The following TNNI3K variants were observed in gnomAD, a reference collection of about 807,000 sequenced individuals.
TNNI3K encodes the protein TNNI3 interacting kinase, also known as serine/threonine-protein kinase TNNI3K.
TNNI3K carries 140 observed loss-of-function variants against 114.5 expected under a neutral mutation model. The ratio of observed to expected loss-of-function variants is 1.22; its 90% CI spans 1.07 to 1.41. TNNI3K has a LOEUF of 1.41. TNNI3K is among the 40% of genes most tolerant of loss of function. The pLI, the probability that TNNI3K is intolerant of heterozygous loss-of-function variation, is 0.00. For missense variants in TNNI3K, 1,125 were observed against 1,007.6 expected (o/e 1.12, Z -1.58); for synonymous variants, 347 against 347.5 (o/e 1.00, Z 0.02).
At chr1:74,256,327 T>G (rs560980946) in intron 4 of TNNI3K, among the ~76,000 whole-genome samples, 11 of 128,292 alleles carry the variant, frequency 8.6e-5, no homozygotes, top group African/African-American at 3.2e-4. Context: ...GGCTATTCTA[T>G]TGGATGAATT....
chr1:74,356,191 TGCAG>T (rs1376718600), intron 11 of TNNI3K, among the ~76,000 whole-genome samples: 1 of 152,206 alleles, frequency 6.6e-6, no homozygotes, highest in Non-Finnish European at 1.5e-5. Context: ...TTCACATTGT[TGCAG>T]GCAGTTGTAG....
intron 11 of TNNI3K, chr1:74,366,520 A>G (rs1408301319): frequency 6.6e-6 from 1 of 151,968 alleles, no homozygotes; most frequent in Admixed American, 6.6e-5. Context: ...CTTTCTTCCA[A>G]CCCTCAGAGC....
Position 74,367,241 on chromosome 1 carries a change from T to C in TNNI3K, c.1178-15T>C. On this transcript the variant is annotated splice_polypyrimidine_tract_variant and intron_variant, in intron 11 of 24. Transcript: ENST00000326637. ...AAAATTTAGGACTCTTTGTTCTTTG[T>C]ATCTTTTCATAAAGGGCATGATGCC... The C allele has an allele frequency of 1.9e-6, 3 of 1,609,358 alleles. No individual in the cohort carries two copies. In the South Asian group the frequency reaches 3.3e-5, roughly 18 times the overall value.
intron 11 of TNNI3K, among the ~76,000 whole-genome samples, chr1:74,356,039 T>C (rs1661637208): frequency 6.6e-6 from 1 of 152,184 alleles, no homozygotes; most frequent in African/African-American, 2.4e-5. Context: ...GACATTCTCT[T>C]CCAATCACTC....
In TNNI3K at chr1:74,235,503, A is replaced by G. The variant is rs748149186; in HGVS notation, c.40+12A>G. The G allele has an allele frequency of 1.5e-6, 2 of 1,340,354 alleles. No homozygotes were observed. Among genetic ancestry groups the G allele is most frequent in the East Asian group, 2.4e-5 (1 of 41,814 alleles). 83.0% of individuals were successfully genotyped at this position (1,340,354 alleles called of 1,614,324 possible). Reference sequence around the variant, plus strand: ...CCAAACTTGTACTGGTAATTATTCTAATTATTCTTATTTCCTTAAGTGTAA... The same window carrying G: ...CCAAACTTGTACTGGTAATTATTCTGATTATTCTTATTTCCTTAAGTGTAA... On this transcript the variant is annotated intron_variant, in intron 1 of 24. Coordinates refer to ENST00000326637, the MANE Select transcript of TNNI3K (RefSeq NM_015978.3).
At chr1:74,474,997 A>AATT (rs1668117051) in intron 21 of TNNI3K, among the ~76,000 whole-genome samples, 1 of 31,606 alleles carries the variant, frequency 3.2e-5, no homozygotes, top group African/African-American at 1.3e-4. Flanking sequence ...TGCTATTTAA[A>AATT]AGGCTACTTT....
At chr1:74,509,848 G>A (rs1347040087) in intron 23 of TNNI3K, among the ~76,000 whole-genome samples, 1 of 140,612 alleles carries the variant, frequency 7.1e-6, no homozygotes, top group African/African-American at 2.7e-5. Context: ...AACTTCCCCA[G>A]GCTCAGGTGA....
chr1:74,275,171 C>T (rs1004351128), intron 5 of TNNI3K, among the ~76,000 whole-genome samples: 5 of 151,910 alleles, frequency 3.3e-5, no homozygotes, highest in East Asian at 3.9e-4. Context: ...AAGACATACC[C>T]GAGACTGGGC....
chr1:74,246,987 T>C (rs1045552597), intron 2 of TNNI3K, among the ~76,000 whole-genome samples: 3 of 152,204 alleles, frequency 2.0e-5, no homozygotes, highest in African/African-American at 7.2e-5. Context: ...TATTTAAGCT[T>C]CAATTTCTTC....
intron 17 of TNNI3K, among the ~76,000 whole-genome samples, chr1:74,397,789 G>GAA (rs1393948544): frequency 3.3e-5 from 5 of 152,170 alleles, no homozygotes; most frequent in African/African-American, 1.2e-4. Context: ...CAATGGCTAT[G>GAA]CTGTCATTGA....
chr1:74,524,016 A>AT (rs1489629738), intron 23 of TNNI3K, among the ~76,000 whole-genome samples: 1 of 152,132 alleles, frequency 6.6e-6, no homozygotes, highest in Admixed American at 6.5e-5. Flanking sequence ...ACAATTCCAA[A>AT]GGCATGACTG....
chr1:74,475,145 CA>C, intron 21 of TNNI3K: 1 of 541,532 alleles, frequency 1.8e-6, no homozygotes, highest in Non-Finnish European at 3.2e-6. Context: ...CACACACACA[CA>C]CACACACACA....
chr1:74,492,694 T>A (rs186189691), intron 23 of TNNI3K, among the ~76,000 whole-genome samples: 157 of 152,288 alleles, frequency 1.0e-3, no homozygotes, highest in African/African-American at 3.5e-3. Flanking sequence ...TGGAAATAGG[T>A]ACTTAAACAA....
In TNNI3K at chr1:74,544,142, G is replaced by A. The variant is rs1202311628; in HGVS notation, c.*160G>A. ...CTATTTAATTCCCCACTATTAGCAG[G>A]CTTTGGATTTGTGCCTAAGGAATAA... On this transcript the variant is annotated 3_prime_UTR_variant, in exon 25 of 25. Coordinates refer to ENST00000326637, the MANE Select transcript of TNNI3K (RefSeq NM_015978.3). The A allele has an allele frequency of 1.5e-6, 1 of 661,330 alleles. No individual in the cohort carries two copies. Among genetic ancestry groups the A allele is most frequent in the African/African-American group, 1.9e-5 (1 of 52,702 alleles). The allele number at this position is 661,330 out of a possible 1,614,324, so 41.0% of individuals were successfully genotyped here.
At chr1:74,445,563 T>G (rs1375309089) in intron 20 of TNNI3K, among the ~76,000 whole-genome samples, 1 of 151,206 alleles carries the variant, frequency 6.6e-6, no homozygotes, top group Non-Finnish European at 1.5e-5. Context: ...TCATTTTTTA[T>G]GGCTGCATAG....
At chr1:74,251,889 G>T (rs570506892) in intron 4 of TNNI3K, among the ~76,000 whole-genome samples, 2 of 152,246 alleles carry the variant, frequency 1.3e-5, no homozygotes, top group East Asian at 1.9e-4. Flanking sequence ...AATTCCTTCT[G>T]GGAGAAAGCC....
chr1:74,242,101 G>A (rs1654270002), intron 2 of TNNI3K, among the ~76,000 whole-genome samples: 1 of 151,826 alleles, frequency 6.6e-6, no homozygotes, highest in Non-Finnish European at 1.5e-5. Context: ...TGCCCACCTT[G>A]GCCTCCCAAA....
intron 5 of TNNI3K, among the ~76,000 whole-genome samples, chr1:74,304,519 C>T (rs951935875): frequency 1.3e-5 from 2 of 152,096 alleles, no homozygotes; most frequent in African/African-American, 2.4e-5. Context: ...CATGGCTCAC[C>T]GTAATCTTGA....
chr1:74,266,319 C>T (rs1655985057), intron 4 of TNNI3K, among the ~76,000 whole-genome samples: 1 of 151,996 alleles, frequency 6.6e-6, no homozygotes, highest in Non-Finnish European at 1.5e-5. Context: ...CCTGCATTTT[C>T]TTATACCATG....
Sources: allele counts gnomAD v4.1 joint callset (sites outside exome capture counted in the v4.1 genomes callset), GRCh38; gene constraint gnomAD v4.1.1; transcripts MANE v1.5; gene names NCBI Gene and HGNC (gene_info 2026-07-23, HGNC 2026-07-21).